The following LRBA variants were observed in gnomAD, a reference collection of about 807,000 sequenced individuals.
LRBA encodes lipopolysaccharide-responsive and beige-like anchor protein.
LRBA carries 176 observed loss-of-function variants against 330.0 expected under a neutral mutation model. The observed-to-expected ratio is 0.53, with a 90% CI of 0.47 to 0.60. The LOEUF (loss-of-function observed/expected upper bound fraction) is 0.60. LRBA is among the 20% of genes least tolerant of loss of function. LRBA has a pLI of 0.00. For missense variants in LRBA, 3,259 were observed against 3,444.8 expected, an observed-to-expected ratio of 0.95 and a Z score of 1.35; for synonymous variants, 1,230 against 1,193.0, an observed-to-expected ratio of 1.03 and a Z score of -0.64.
At chr4:150,721,503 G>T in intron 36 of LRBA, 2 of 228,188 alleles carry the variant, frequency 8.8e-6, no homozygotes, top group South Asian at 6.8e-5. Flanking sequence ...AGACTCCTAA[G>T]AAGAACTGGG....
intron 40 of LRBA, among the ~76,000 whole-genome samples, chr4:150,521,094 G>A (rs1215658372): frequency 6.6e-6 from 1 of 151,758 alleles, no homozygotes; most frequent in African/African-American, 2.4e-5. Flanking sequence ...TTCCAATATT[G>A]GTAGTTCATA....
chr4:150,954,192 G>T (rs1383037724), intron 2 of LRBA, among the ~76,000 whole-genome samples: 13 of 149,804 alleles, frequency 8.7e-5, no homozygotes, highest in African/African-American at 3.0e-4. Context: ...AGAAGGTGGG[G>T]GGCCCCTCTG....
intron 22 of LRBA, among the ~76,000 whole-genome samples, chr4:150,862,168 TC>T (rs758085458): frequency 1.3e-5 from 2 of 152,180 alleles, no homozygotes; most frequent in Non-Finnish European, 2.9e-5. Flanking sequence ...GACCCAGCCA[TC>T]CCATTACTGG....
chr4:150,693,433 G>T (rs1784320807), intron 36 of LRBA, among the ~76,000 whole-genome samples: 1 of 149,834 alleles, frequency 6.7e-6, no homozygotes, highest in Non-Finnish European at 1.5e-5. Context: ...GCGTAGTGGC[G>T]GGCGCCTGTA....
intron 47 of LRBA, among the ~76,000 whole-genome samples, chr4:150,369,811 T>C (rs556726262): frequency 2.0e-5 from 3 of 152,288 alleles, no homozygotes; most frequent in East Asian, 1.9e-4. Context: ...TTTCTCCATA[T>C]AGTACTGTCC....
chr4:150,407,024 C>T (rs190021488), intron 47 of LRBA, among the ~76,000 whole-genome samples: 4 of 152,258 alleles, frequency 2.6e-5, no homozygotes, highest in Admixed American at 1.3e-4. Flanking sequence ...TCAGGTGATC[C>T]GCCCTGCCTT....
At chr4:150,755,863 C>T (rs1734216987) in intron 35 of LRBA, among the ~76,000 whole-genome samples, 1 of 151,304 alleles carries the variant, frequency 6.6e-6, no homozygotes, top group African/African-American at 2.4e-5. Flanking sequence ...CATGGCAAAA[C>T]CCCATCTCTA....
intron 52 of LRBA, among the ~76,000 whole-genome samples, chr4:150,303,447 A>T (rs1343231037): frequency 2.6e-5 from 4 of 152,210 alleles, no homozygotes; most frequent in Admixed American, 6.5e-5. Flanking sequence ...TCAAGATGGT[A>T]ATGACTGGGG....
chr4:150,987,072 T>C (rs1007868781), intron 2 of LRBA, among the ~76,000 whole-genome samples: 1 of 152,250 alleles, frequency 6.6e-6, no homozygotes, highest in African/African-American at 2.4e-5. Flanking sequence ...TTTTGTTCCA[T>C]ATCAAGTTTT....
intron 37 of LRBA, among the ~76,000 whole-genome samples, chr4:150,622,722 G>A (rs1299709859): frequency 4.9e-4 from 56 of 114,378 alleles, no homozygotes; most frequent in African/African-American, 2.2e-3. Flanking sequence ...TTTTTGAGAC[G>A]GAGTCTTGCT....
rs895331921 is a variant in LRBA at position 150,319,378 on chromosome 4, T to C, written c.7630+1813A>G. Reference sequence around the variant, plus strand: ...TTGGTGGTCCTGAAGTCACACATGCTGGTGCAAAGCTCTAAGGGTAACCGC... The same window carrying C: ...TTGGTGGTCCTGAAGTCACACATGCCGGTGCAAAGCTCTAAGGGTAACCGC... On this transcript the variant is annotated intron_variant, in intron 50 of 56. Coordinates refer to ENST00000651943, the MANE Select transcript of LRBA (RefSeq NM_001364905.1). Among the ~76,000 whole-genome samples, 3 of 152,164 alleles carry C rather than the reference T, an allele frequency of 2.0e-5. No individual in the cohort carries two copies. The South Asian group carries it at 6.2e-4, about 32-fold the overall frequency.
intron 2 of LRBA, among the ~76,000 whole-genome samples, chr4:150,990,901 C>G (rs1247920483): frequency 6.6e-6 from 1 of 152,006 alleles, no homozygotes; most frequent in Non-Finnish European, 1.5e-5. Flanking sequence ...CACCTGTAAT[C>G]CTAGCTACTC....
chr4:150,929,195 C>T lies in LRBA; in HGVS notation c.217-130G>A, dbSNP rs1027286979. ...CCACATCAAAAGGTTCATTAAAAAACATGCAGCTCAAAAAACTGAAGTTTC... is the reference window on the plus strand; with the variant it reads ...CCACATCAAAAGGTTCATTAAAAAATATGCAGCTCAAAAAACTGAAGTTTC... On this transcript the variant is annotated intron_variant, in intron 2 of 56. Coordinates refer to ENST00000651943, the MANE Select transcript of LRBA (RefSeq NM_001364905.1). 9 of 585,740 alleles carry T rather than the reference C, an allele frequency of 1.5e-5. No individual in the cohort carries two copies. The South Asian group carries it at 2.7e-4, about 18-fold the overall frequency. The allele number at this position is 585,740 out of a possible 1,614,324, so 36.3% of individuals were successfully genotyped here.
chr4:150,708,480 G>A (rs962248800), intron 36 of LRBA, among the ~76,000 whole-genome samples: 5 of 151,772 alleles, frequency 3.3e-5, no homozygotes, highest in Non-Finnish European at 5.9e-5. Flanking sequence ...TGGTTTCCAT[G>A]ACTTAAATAA....
intron 36 of LRBA, among the ~76,000 whole-genome samples, chr4:150,727,259 A>T (rs1285023599): frequency 6.6e-6 from 1 of 151,936 alleles, no homozygotes; most frequent in Non-Finnish European, 1.5e-5. Context: ...TTTTTAGTAG[A>T]GACGGGGTTT....
intron 37 of LRBA, among the ~76,000 whole-genome samples, chr4:150,679,033 T>C (rs911892250): frequency 1.3e-5 from 2 of 152,118 alleles, no homozygotes; most frequent in African/African-American, 4.8e-5. Context: ...TTTTTAAAGA[T>C]AGGACATGAT....
At chr4:150,834,711 A>G (rs1401583419) in intron 28 of LRBA, among the ~76,000 whole-genome samples, 1 of 152,216 alleles carries the variant, frequency 6.6e-6, no homozygotes, top group Admixed American at 6.5e-5. Flanking sequence ...TAAAGTCACC[A>G]GCTGTATTAG....
intron 46 of LRBA, chr4:150,422,827 G>T: frequency 1.4e-6 from 2 of 1,457,730 alleles, no homozygotes; most frequent in Non-Finnish European, 9.6e-7. Flanking sequence ...AACTTGCCCT[G>T]CAGCCAGGCT....
intron 22 of LRBA, among the ~76,000 whole-genome samples, chr4:150,855,156 G>C (rs578224896): frequency 6.6e-6 from 1 of 152,296 alleles, no homozygotes; most frequent in Admixed American, 6.5e-5. Flanking sequence ...TACTCAGGAA[G>C]CTGAGGCAGG....
Sources: allele counts gnomAD v4.1 joint callset (sites outside exome capture counted in the v4.1 genomes callset), GRCh38; gene constraint gnomAD v4.1.1; transcripts MANE v1.5; gene names NCBI Gene and HGNC (gene_info 2026-07-23, HGNC 2026-07-21).